AVEN: variants seen among roughly 807,000 people sequenced by gnomAD.
AVEN encodes the protein apoptosis and caspase activation inhibitor.
A neutral mutation model predicts 38.1 loss-of-function variants in AVEN; 41 were observed. The ratio of observed to expected loss-of-function variants is 1.08; its 90% CI spans 0.84 to 1.40. The LOEUF (loss-of-function observed/expected upper bound fraction) is 1.40. Among genes scored for constraint, AVEN ranks in the 40% most tolerant of loss-of-function variants. AVEN has a pLI of 0.00. For missense variants in AVEN, 605 were observed against 438.8 expected, an observed-to-expected ratio of 1.38 and a Z score of -3.38; for synonymous variants, 206 against 171.8, an observed-to-expected ratio of 1.20 and a Z score of -1.56.
chr15:34,074,458 G>C (rs1004804464), exon 1 of AVEN, among the ~76,000 whole-genome samples: 1 of 152,238 alleles, frequency 6.6e-6, no homozygotes, highest in Non-Finnish European at 1.5e-5. Flanking sequence ...CTGGAGGCCA[G>C]AAGTCTGAAA....
downstream of AVEN, chr15:33,864,742 C>G (rs1889867334): frequency 5.2e-6 from 1 of 192,202 alleles, no homozygotes; most frequent in Non-Finnish European, 1.1e-5. Context: ...TTCACTCATT[C>G]AATGGGAGAG....
chr15:33,945,791 T>G (rs1258883770), intron 2 of AVEN, among the ~76,000 whole-genome samples: 1 of 152,144 alleles, frequency 6.6e-6, no homozygotes, highest in Non-Finnish European at 1.5e-5. Flanking sequence ...TTCGCTATGT[T>G]GGCCAGGATA....
At chr15:33,900,967 A>G (rs1330391505) in intron 2 of AVEN, among the ~76,000 whole-genome samples, 2 of 152,156 alleles carry the variant, frequency 1.3e-5, no homozygotes, top group Non-Finnish European at 2.9e-5. Context: ...ATCTTAGAAA[A>G]AGATTCTACC....
At chr15:33,868,754 G>A (rs934917897) in intron 4 of AVEN, among the ~76,000 whole-genome samples, 4 of 151,938 alleles carry the variant, frequency 2.6e-5, no homozygotes, top group Admixed American at 1.3e-4. Flanking sequence ...TTAGGTGAGC[G>A]AGTGCCTTTT....
intron 2 of AVEN, among the ~76,000 whole-genome samples, chr15:33,890,485 T>C (rs1425921981): frequency 6.6e-6 from 1 of 152,094 alleles, no homozygotes. Flanking sequence ...CTATGTGCCA[T>C]AAAGGGGATA....
intron 2 of AVEN, among the ~76,000 whole-genome samples, chr15:33,994,419 A>C (rs1233951999): frequency 6.6e-6 from 1 of 152,208 alleles, no homozygotes; most frequent in Non-Finnish European, 1.5e-5. Context: ...GAGTTGTATA[A>C]TTATTTCACT....
At position 33,889,853 on chromosome 15, in the gene AVEN, A is replaced by G. The variant is rs183747415; in HGVS notation, c.446-13858T>C. On this transcript the variant is annotated intron_variant, in intron 2 of 5. Transcript: ENST00000306730. ...TGGCTTCTTGTCACAGCATACATTT[A>G]TAGAAAATCGGGCATACCATTAGAG... 3.9e-4 allele frequency among the ~76,000 whole-genome samples: 59 copies of G among 152,312 alleles called. No individual in the cohort carries two copies. In the East Asian group the frequency reaches 9.3e-3, roughly 24 times the overall value.
chr15:33,852,733 A>C, the AVEN span: 1 of 246,312 alleles, frequency 4.1e-6, no homozygotes, highest in East Asian at 1.0e-4. Context: ...GGATTAGGGA[A>C]AGGACTTAGA....
chr15:33,876,051 C>T (rs969448249), intron 2 of AVEN, 56 bp from the exon 3 acceptor site: 1 of 1,516,518 alleles, frequency 6.6e-7, no homozygotes, highest in South Asian at 1.2e-5. Flanking sequence ...ACTCTCAGTT[C>T]TCTAAATTTC....
chr15:33,960,325 C>T (rs943048406), intron 2 of AVEN, among the ~76,000 whole-genome samples: 2 of 152,100 alleles, frequency 1.3e-5, no homozygotes, highest in Admixed American at 1.3e-4. Flanking sequence ...GAACTGCTGA[C>T]ACAACCTCAA....
chr15:33,986,388 C>T (rs753313187), intron 2 of AVEN, among the ~76,000 whole-genome samples: 1 of 151,960 alleles, frequency 6.6e-6, no homozygotes, highest in African/African-American at 2.4e-5. Context: ...GGATTACAGG[C>T]GTAAGCCACC....
intron 2 of AVEN, among the ~76,000 whole-genome samples, chr15:33,878,040 C>G (rs1891322117): frequency 6.6e-6 from 1 of 151,992 alleles, no homozygotes; most frequent in Non-Finnish European, 1.5e-5. Flanking sequence ...GGGAATGAAT[C>G]AGGAATAAAC....
chr15:33,904,716 T>TATACACACACACACACACAC (rs1555505855), intron 2 of AVEN, among the ~76,000 whole-genome samples: 1 of 143,292 alleles, frequency 7.0e-6, no homozygotes, highest in Admixed American at 7.1e-5. Context: ...TATATATATA[T>TATACACACACACACACACAC]ACACACACAC....
intron 2 of AVEN, among the ~76,000 whole-genome samples, chr15:33,915,502 C>T (rs1160521732): frequency 1.3e-5 from 2 of 152,134 alleles, no homozygotes; most frequent in Non-Finnish European, 2.9e-5. Context: ...GAAGAAGCAG[C>T]GGGAAGAGCC....
chr15:34,067,581 T>C (rs567666859), intron 2 of AVEN: 1 of 152,378 alleles, frequency 6.6e-6, no homozygotes, highest in South Asian at 2.1e-4. Flanking sequence ...TTGGGATTGA[T>C]ACACAGTATG....
In AVEN at chr15:33,867,872, A is replaced by C; in HGVS notation, c.613-17T>G. On this transcript the variant is annotated splice_polypyrimidine_tract_variant and intron_variant, in intron 4 of 5. Coordinates refer to ENST00000306730, the MANE Select transcript of AVEN (RefSeq NM_020371.3). ...AACTGTACCCTGAAAGAGAAGTATA[A>C]AAACTGAGTTAAAAATGTGAGTCTT... is the stretch of plus-strand genomic sequence containing the variant. 6.5e-7 allele frequency: 1 copy of C among 1,541,340 alleles called. No individual in the cohort carries two copies. The highest frequency in any genetic ancestry group is 8.7e-7 in the Non-Finnish European group (1 of 1,149,080).
At chr15:33,894,812 AAAAAAAAAAAT>A (rs1355329126) in intron 2 of AVEN, among the ~76,000 whole-genome samples, 834 of 18,096 alleles carry the variant, frequency 0.046, 2 homozygotes, top group Non-Finnish European at 0.13. Flanking sequence ...ACCATCTCAA[AAAAAAAAAAAT>A]AATAACAATA....
intron 3 of AVEN, among the ~76,000 whole-genome samples, chr15:33,874,554 T>G (rs945074617): frequency 2.0e-5 from 3 of 152,294 alleles, no homozygotes; most frequent in South Asian, 2.1e-4. Context: ...TAGCTATCTC[T>G]CTCAGTATTG....
At chr15:33,994,167 T>A (rs1169184994) in intron 2 of AVEN, among the ~76,000 whole-genome samples, 2 of 152,186 alleles carry the variant, frequency 1.3e-5, no homozygotes, top group African/African-American at 4.8e-5. Flanking sequence ...TCTTCTCTAT[T>A]TACAGCCACT....
Sources: allele counts gnomAD v4.1 joint callset (sites outside exome capture counted in the v4.1 genomes callset), GRCh38; gene constraint gnomAD v4.1.1; transcripts MANE v1.5; gene names NCBI Gene and HGNC (gene_info 2026-07-23, HGNC 2026-07-21).